Variants in CMTM4 observed in about 807,000 individuals in gnomAD.
CMTM4 encodes the protein CKLF-like MARVEL transmembrane domain-containing protein 4.
In CMTM4, 8 loss-of-function variants were observed where a neutral mutation model predicts 19.0. The ratio of observed to expected loss-of-function variants is 0.42; its 90% CI spans 0.25 to 0.76. The LOEUF is 0.76. Ranked by LOEUF, CMTM4 falls within the 30% of genes least tolerant of loss-of-function variation. The pLI, the probability that CMTM4 is intolerant of heterozygous loss-of-function variation, is 0.27. For missense variants in CMTM4, 228 were observed against 290.2 expected, an observed-to-expected ratio of 0.79 and a Z score of 1.56; for synonymous variants, 106 against 121.1, an observed-to-expected ratio of 0.88 and a Z score of 0.82.
intron 1 of CMTM4, among the ~76,000 whole-genome samples, chr16:66,654,893 G>T (rs1285543758): frequency 1.3e-5 from 2 of 152,160 alleles, no homozygotes; most frequent in Non-Finnish European, 2.9e-5. Flanking sequence ...ATGTGAAAGG[G>T]CCAACAGAGC....
intron 1 of CMTM4, among the ~76,000 whole-genome samples, chr16:66,678,845 G>A (rs971147846): frequency 6.6e-6 from 1 of 152,064 alleles, no homozygotes; most frequent in Non-Finnish European, 1.5e-5. Context: ...AGTGGCTCAC[G>A]ACTGTAATCC....
chr16:66,645,544 T>G (rs2016177919), intron 1 of CMTM4, among the ~76,000 whole-genome samples: 1 of 151,984 alleles, frequency 6.6e-6, no homozygotes, highest in Non-Finnish European at 1.5e-5. Context: ...GCCACTGCAT[T>G]CCAGCCTGGG....
At chr16:66,692,240 G>A (rs550393504) in intron 1 of CMTM4, among the ~76,000 whole-genome samples, 75 of 152,154 alleles carry the variant, frequency 4.9e-4, no homozygotes, top group Non-Finnish European at 9.4e-4. Flanking sequence ...ACAGGCACTC[G>A]CTATATGCCT....
Position 66,618,606 on chromosome 16 carries a change from G to C in CMTM4, c.*3452C>G, listed in dbSNP as rs553872527. On this transcript the variant is annotated 3_prime_UTR_variant, in exon 4 of 4. Transcript: ENST00000394106. Reference sequence around the variant, plus strand: ...ACATGGCACCCACTAGGGTTGTTCAGGTCTCATTCACTGCAAGCAAGAATT... The same window carrying C: ...ACATGGCACCCACTAGGGTTGTTCACGTCTCATTCACTGCAAGCAAGAATT... 3.0e-6 allele frequency: 3 copies of C among 985,488 alleles called. No individual in the cohort carries two copies. The African/African-American group carries it at 5.2e-5, about 17-fold the overall frequency. 61.0% of individuals were successfully genotyped at this position (985,488 alleles called of 1,614,324 possible). A position where few individuals can be genotyped will look rare whatever the true frequency, so the allele number is the denominator to read the frequency against.
the CMTM4 span, chr16:66,603,945 A>C: frequency 6.6e-6 from 1 of 152,526 alleles, no homozygotes; most frequent in African/African-American, 2.4e-5. Flanking sequence ...AGGAGGGGGC[A>C]GTGCCCTTCG....
downstream of CMTM4, chr16:66,613,804 AG>A (rs1393948728): frequency 1.3e-5 from 2 of 152,248 alleles, no homozygotes; most frequent in Non-Finnish European, 2.9e-5. Flanking sequence ...GTATTGTATC[AG>A]GCTTCAGTAC....
the CMTM4 span, among the ~76,000 whole-genome samples, chr16:66,601,217 C>T: frequency 2.6e-5 from 4 of 152,022 alleles, no homozygotes; most frequent in Non-Finnish European, 5.9e-5. Context: ...TGGCCAGTGG[C>T]ACCTTTGCCA....
chr16:66,662,094 C>A (rs1356587204), intron 1 of CMTM4, among the ~76,000 whole-genome samples: 1 of 152,080 alleles, frequency 6.6e-6, no homozygotes, highest in Non-Finnish European at 1.5e-5. Flanking sequence ...TAAAAACAGA[C>A]AACAAAAACA....
chr16:66,604,987 G>T, the CMTM4 span: 10 of 1,443,120 alleles, frequency 6.9e-6, no homozygotes, highest in South Asian at 1.4e-4. Flanking sequence ...GCCCCGCTAG[G>T]ACTGCGCGGC....
At chr16:66,672,769 C>A (rs2016733535) in intron 1 of CMTM4, among the ~76,000 whole-genome samples, 1 of 148,968 alleles carries the variant, frequency 6.7e-6, no homozygotes, top group African/African-American at 2.5e-5. Context: ...GCCACCACAC[C>A]CAGCTAGTTT....
At chr16:66,647,645 C>T (rs947897943) in intron 1 of CMTM4, among the ~76,000 whole-genome samples, 1 of 152,148 alleles carries the variant, frequency 6.6e-6, no homozygotes, top group Non-Finnish European at 1.5e-5. Context: ...CAGAGAAGTT[C>T]AGGATCCAGC....
chr16:66,641,966 A>G (rs1044697001), intron 1 of CMTM4, among the ~76,000 whole-genome samples: 3 of 152,174 alleles, frequency 2.0e-5, no homozygotes, highest in Admixed American at 6.5e-5. Flanking sequence ...TTACATAGAC[A>G]GATACATAAA....
chr16:66,634,333 G>C (rs1219492325), intron 2 of CMTM4, among the ~76,000 whole-genome samples: 2 of 151,748 alleles, frequency 1.3e-5, no homozygotes, highest in African/African-American at 4.8e-5. Flanking sequence ...TCAGCTACTA[G>C]GGAGGGTGAG....
At position 66,617,093 on chromosome 16, in the gene CMTM4, T is replaced by C. The variant is rs528765934; in HGVS notation, c.*4965A>G. 7.5e-6 allele frequency: 4 copies of C among 533,034 alleles called. No individual in the cohort carries two copies. The highest frequency in any genetic ancestry group is 3.8e-5 in the African/African-American group (2 of 52,282). The allele number at this position is 533,034 out of a possible 1,614,324, so 33.0% of individuals were successfully genotyped here. A position where few individuals can be genotyped will look rare whatever the true frequency, so the allele number is the denominator to read the frequency against. ...AACTTTAAAAGTTTCAATAGCTCCC[T>C]GGGGGTCCAAGCCAAAGGCTCCCTG... On this transcript the variant is annotated 3_prime_UTR_variant, in exon 4 of 4. Transcript: ENST00000394106.
chr16:66,679,906 ACT>A (rs1207116475), intron 1 of CMTM4, among the ~76,000 whole-genome samples: 1 of 151,820 alleles, frequency 6.6e-6, no homozygotes, highest in Non-Finnish European at 1.5e-5. Context: ...ACAGAAACAA[ACT>A]CACACGGGGG....
At chr16:66,636,652 A>G in intron 1 of CMTM4, 71 bp from the exon 2 acceptor site, 1 of 1,246,394 alleles carries the variant, frequency 8.0e-7, no homozygotes, top group Non-Finnish European at 1.2e-6. Context: ...CGTACCTGCC[A>G]TGCTTATATA....
At chr16:66,627,945 T>C (rs1425598783) in intron 2 of CMTM4, among the ~76,000 whole-genome samples, 1 of 152,114 alleles carries the variant, frequency 6.6e-6, no homozygotes, top group Admixed American at 6.6e-5. Context: ...AGGAATGCGG[T>C]AGGAGAACAG....
chr16:66,610,955 C>T (rs1416449334), downstream of CMTM4: 3 of 398,436 alleles, frequency 7.5e-6, no homozygotes, highest in African/African-American at 6.2e-5. This position sits in a 1 kb window ranked among gnomAD's most constrained non-coding sequence, Gnocchi z 4.6. Context: ...TAGGTTAGAG[C>T]TCCCAGGCGG....
At chr16:66,625,147 C>T (rs1285478472) in intron 2 of CMTM4, among the ~76,000 whole-genome samples, 1 of 151,958 alleles carries the variant, frequency 6.6e-6, no homozygotes, top group African/African-American at 2.4e-5. Context: ...GGCTAGAAAA[C>T]AAACAGGCCG....
Sources: gnomAD v4.1 joint callset for allele counts (sites outside exome capture counted in the v4.1 genomes callset) on GRCh38, gnomAD v4.1.1 for gene constraint, Gnocchi (gnomAD v3.1) non-coding constraint, MANE v1.5 for transcripts, NCBI Gene and HGNC (gene_info 2026-07-23, HGNC 2026-07-21) for gene names.